Variants in NRXN1 observed in about 807,000 individuals in gnomAD.
The protein encoded by NRXN1 is neurexin-1.
In NRXN1, 39 loss-of-function variants were observed where a neutral mutation model predicts 150.9. The ratio of observed to expected loss-of-function variants is 0.26; its 90% CI spans 0.20 to 0.34. The LOEUF is 0.34. NRXN1 is among the 10% of genes least tolerant of loss of function. The pLI, the probability that NRXN1 is intolerant of heterozygous loss-of-function variation, is 1.00. For missense variants in NRXN1, 1,815 were observed against 1,949.9 expected, an observed-to-expected ratio of 0.93 and a Z score of 1.30; for synonymous variants, 924 against 757.0, an observed-to-expected ratio of 1.22 and a Z score of -3.62.
chr2:50,917,454 G>GA (rs1685373617), intron 5 of NRXN1: 1 of 151,688 alleles, frequency 6.6e-6, no homozygotes, highest in Non-Finnish European at 1.5e-5. Flanking sequence ...CACAGGACTT[G>GA]AAAATGGTAT....
rs999242723 is a variant in NRXN1 at position 50,109,753 on chromosome 2, G to C, written c.3547-18259C>G. On this transcript the variant is annotated intron_variant, in intron 18 of 22. Coordinates refer to ENST00000401669, the MANE Select transcript of NRXN1 (RefSeq NM_001330078.2). The stretch of plus-strand genomic sequence containing the variant: ...TCAAAATTGCAGCTACCTTCACTTT[G>C]GTTGAGGCCAGGGTACTATATTTAG... Among the ~76,000 whole-genome samples, 34 of 152,078 alleles carry C rather than the reference G, an allele frequency of 2.2e-4. 1 individual carries two copies. The highest frequency in any genetic ancestry group is 1.3e-4 in the Non-Finnish European group (9 of 67,998).
At chr2:49,981,721 G>C (rs1680022258) in intron 21 of NRXN1, among the ~76,000 whole-genome samples, 1 of 152,048 alleles carries the variant, frequency 6.6e-6, no homozygotes, top group South Asian at 2.1e-4. Context: ...ATCTGAGTTA[G>C]AAACAAAGCT....
chr2:50,531,403 C>T lies in NRXN1; in HGVS notation c.2171G>A (p.Ser724Asn). Residue 724 changes from serine to asparagine, a missense_variant, in exon 11 of 23, where the codon AGC becomes AAC. Ser to Asn is a conservative substitution (Grantham distance 46, BLOSUM62 1). This residue lies in a region of NRXN1 where 638 missense variants were observed against 652.6 expected (regional missense o/e 0.98). Transcript: ENST00000401669. ...REATVLSYDG[S>N]MFMKIQLPVV... ...GGGGAGCTGAATTTTCATAAACATG[C>T]TCCCATCATAGCTCAAAACCGTTGC... is the stretch of plus-strand genomic sequence containing the variant. 1.9e-6 allele frequency: 3 copies of T among 1,612,030 alleles called. No homozygotes were observed. Among genetic ancestry groups the T allele is most frequent in the Non-Finnish European group, 2.5e-6 (3 of 1,179,070 alleles).
intron 8 of NRXN1, among the ~76,000 whole-genome samples, chr2:50,569,972 A>T (rs575720071): frequency 6.6e-6 from 1 of 152,344 alleles, no homozygotes; most frequent in East Asian, 1.9e-4. Context: ...GACCTTGTCT[A>T]ATACGGATGC....
chr2:49,925,860 A>G (rs2104074734), intron 22 of NRXN1, among the ~76,000 whole-genome samples: 1 of 152,326 alleles, frequency 6.6e-6, no homozygotes, highest in South Asian at 2.1e-4. Flanking sequence ...AAAAGAGAAT[A>G]AGGGAGGGGG....
intron 17 of NRXN1, among the ~76,000 whole-genome samples, chr2:50,419,724 A>T (rs919884350): frequency 5.9e-5 from 9 of 152,088 alleles, no homozygotes; most frequent in Non-Finnish European, 1.2e-4. Flanking sequence ...TATCCTTTGT[A>T]ATGTAAAAAC....
Position 50,479,767 on chromosome 2 carries a change from CTTTTT to C in NRXN1, c.3071-7301_3071-7297del, listed in dbSNP as rs35301086. On this transcript the variant is annotated intron_variant, in intron 15 of 22. Transcript: ENST00000401669. Reference sequence around the variant, plus strand: ...TTCATCTACTAATCCATTTCTTTTTCTTTTTTTTTTTTTTTTTTTTTTTTGAGATG... The same window carrying C: ...TTCATCTACTAATCCATTTCTTTTTCTTTTTTTTTTTTTTTTTTTGAGATG... 3.7e-3 allele frequency among the ~76,000 whole-genome samples: 293 copies of C among 79,868 alleles called. 1 individual carries two copies. The highest frequency in any genetic ancestry group is 0.017 in the Middle Eastern group (1 of 58). The allele number at this position is 79,868 out of a possible 152,430, so 52.4% of individuals were successfully genotyped here. A position where few individuals can be genotyped will look rare whatever the true frequency, so the allele number is the denominator to read the frequency against.
chr2:49,958,040 GTCAC>G (rs1433291177), intron 21 of NRXN1, among the ~76,000 whole-genome samples: 2 of 152,104 alleles, frequency 1.3e-5, no homozygotes, highest in Admixed American at 1.3e-4. Flanking sequence ...GAATGATGCC[GTCAC>G]TCACAGCTGC....
At chr2:50,107,399 CTTTTAAAT>C (rs1701800018) in intron 18 of NRXN1, among the ~76,000 whole-genome samples, 1 of 151,174 alleles carries the variant, frequency 6.6e-6, no homozygotes, top group African/African-American at 2.4e-5. Context: ...CACTACCCAT[CTTTTAAAT>C]TTTTAAAGAG....
At chr2:50,277,009 A>C (rs1042965085) in intron 17 of NRXN1, among the ~76,000 whole-genome samples, 6 of 152,276 alleles carry the variant, frequency 3.9e-5, no homozygotes, top group South Asian at 2.1e-4. Context: ...TATGACAAAC[A>C]GTTCTACAGA....
rs7577385 is a variant in NRXN1 at position 50,346,449 on chromosome 2, C to G, written c.3365-109479G>C. Among the ~76,000 whole-genome samples, 10 of 152,204 alleles carry G rather than the reference C, an allele frequency of 6.6e-5. No homozygotes were observed. Among genetic ancestry groups the G allele is most frequent in the African/African-American group, 2.2e-4 (9 of 41,550 alleles). On this transcript the variant is annotated intron_variant, in intron 17 of 22. Transcript: ENST00000401669. This position sits in a 1 kb window ranked among gnomAD's most constrained non-coding sequence, Gnocchi z 5.0. ...GGTCCTTTAGTAGGTGTCCACATCT[C>G]TCTCCCAGTACCTCGACAAGGAACG...
chr2:50,844,254 C>G (rs573391842), intron 5 of NRXN1, among the ~76,000 whole-genome samples: 29 of 152,270 alleles, frequency 1.9e-4, no homozygotes, highest in African/African-American at 6.5e-4. Flanking sequence ...TTACAATCTT[C>G]CCGGACGTCA....
At chr2:50,023,848 T>A (rs1037179861) in intron 21 of NRXN1, 1 of 152,216 alleles carries the variant, frequency 6.6e-6, no homozygotes, top group South Asian at 2.1e-4. Flanking sequence ...CTTTCACGCA[T>A]AATTTTAACC....
intron 5 of NRXN1, among the ~76,000 whole-genome samples, chr2:50,808,725 T>G (rs563382064): frequency 6.6e-6 from 1 of 152,128 alleles, no homozygotes; most frequent in East Asian, 1.9e-4. Flanking sequence ...TAACCTATAG[T>G]TCAAGATCAC....
chr2:50,656,477 A>G, intron 5 of NRXN1: 1 of 723,324 alleles, frequency 1.4e-6, no homozygotes, highest in South Asian at 1.5e-5. Flanking sequence ...TGCTCTGTTT[A>G]AACATTCACA....
intron 17 of NRXN1, among the ~76,000 whole-genome samples, chr2:50,417,808 C>A (rs1437138343): frequency 6.6e-6 from 1 of 151,568 alleles, no homozygotes; most frequent in Non-Finnish European, 1.5e-5. Context: ...CAACAAAGTC[C>A]AAAAGAACGC....
intron 21 of NRXN1, among the ~76,000 whole-genome samples, chr2:50,014,096 T>G (rs926566661): frequency 4.1e-5 from 6 of 147,844 alleles, no homozygotes; most frequent in African/African-American, 7.4e-5. Context: ...AAAGAGCTTG[T>G]TTTTTTTTTG....
intron 5 of NRXN1, among the ~76,000 whole-genome samples, chr2:50,684,730 A>G (rs72887523): frequency 0.026 from 3,961 of 152,252 alleles, 176 homozygotes; most frequent in African/African-American, 0.09. Flanking sequence ...ATAAAGAGAT[A>G]GTCTTTGCCA....
intron 2 of NRXN1, among the ~76,000 whole-genome samples, chr2:50,959,464 G>T (rs1202154590): frequency 6.6e-6 from 1 of 151,904 alleles, no homozygotes; most frequent in Non-Finnish European, 1.5e-5. Context: ...ACAATATTAG[G>T]ACATTATGCT....
Sources: allele counts gnomAD v4.1 joint callset (sites outside exome capture counted in the v4.1 genomes callset), GRCh38; gene constraint gnomAD v4.1.1; regional missense constraint gnomAD v4.1.1; non-coding constraint Gnocchi (gnomAD v3.1); transcripts MANE v1.5; gene names NCBI Gene and HGNC (gene_info 2026-07-23, HGNC 2026-07-21).